SP140: variants seen among roughly 807,000 people sequenced by gnomAD.
SP140 encodes the protein SP140 nuclear body protein, also known as nuclear body protein SP140.
SP140 carries 81 observed loss-of-function variants against 125.0 expected under a neutral mutation model. The observed-to-expected ratio is 0.65, with a 90% CI of 0.54 to 0.78. SP140 has a LOEUF of 0.78. SP140 is among the 30% of genes least tolerant of loss of function. SP140 has a pLI of 0.00. For synonymous variants in SP140, 312 were observed against 354.0 expected (o/e 0.88, Z 1.33); for missense variants, 858 against 1,037.0 (o/e 0.83, Z 2.37).
At position 230,241,794 on chromosome 2, in the gene SP140, A is replaced by G. The variant is rs1318357346; in HGVS notation, c.490+307A>G. ...TGGATTCCATCTTCTAAAGGAACAT[A>G]AAAGTCCTACCCTCCGAGGTTGAGA... On this transcript the variant is annotated intron_variant, in intron 4 of 26. Coordinates refer to ENST00000392045, the MANE Select transcript of SP140 (RefSeq NM_007237.5). 2.0e-5 allele frequency among the ~76,000 whole-genome samples: 3 copies of G among 152,250 alleles called. No homozygotes were observed. In the East Asian group the frequency reaches 5.8e-4, roughly 29 times the overall value.
Position 230,265,137 on chromosome 2 carries a change from G to A in SP140, c.1241-4395G>A, listed in dbSNP as rs975325318. Among the ~76,000 whole-genome samples the A allele has an allele frequency of 1.0e-3, 157 of 152,188 alleles. 1 individual carries two copies. The highest frequency in any genetic ancestry group is 3.7e-3 in the African/African-American group (152 of 41,522). On this transcript the variant is annotated intron_variant, in intron 12 of 26. Coordinates refer to ENST00000392045, the MANE Select transcript of SP140 (RefSeq NM_007237.5). ...CTAAGACTCTCGTTGGACATGTCTT[G>A]CTGCAGCTGCTGTGGGGGATGGGGG...
chr2:230,290,694 G>T, intron 19 of SP140, 130 bp downstream of exon 19: 1 of 735,042 alleles, frequency 1.4e-6, no homozygotes, highest in Non-Finnish European at 2.2e-6. Context: ...AGGAGGAAGG[G>T]ATTTCTAAGA....
At chr2:230,201,014 G>T, upstream of SP140, 2 of 1,420,916 alleles carry the variant, frequency 1.4e-6, no homozygotes, top group Non-Finnish European at 2.0e-6. Context: ...ACACCATGGA[G>T]AATCTCCCAG....
intron 15 of SP140, among the ~76,000 whole-genome samples, chr2:230,274,264 T>G (rs2054379978): frequency 6.6e-6 from 1 of 152,182 alleles, no homozygotes; most frequent in Admixed American, 6.5e-5. Flanking sequence ...GATTTCCATG[T>G]CCTATCTCCT....
At chr2:230,294,374 C>G in intron 21 of SP140, 56 bp downstream of exon 21, 1 of 1,354,616 alleles carries the variant, frequency 7.4e-7, no homozygotes, top group Non-Finnish European at 1.1e-6. Flanking sequence ...TTAGCATGCA[C>G]AAAATCTTAT....
the SP140 span, among the ~76,000 whole-genome samples, chr2:230,186,445 C>T: frequency 5.3e-5 from 8 of 152,222 alleles, no homozygotes; most frequent in Non-Finnish European, 1.0e-4. Context: ...TTACACTCCA[C>T]TGCTGAATGA....
intron 22 of SP140, among the ~76,000 whole-genome samples, chr2:230,297,968 T>TAGG (rs1263498375): frequency 3.9e-5 from 6 of 152,332 alleles, no homozygotes; most frequent in African/African-American, 1.4e-4. Context: ...ATCCTGTCAT[T>TAGG]AGCCCTGTAA....
At chr2:230,190,005 G>A in the SP140 span, among the ~76,000 whole-genome samples, 3 of 152,086 alleles carry the variant, frequency 2.0e-5, no homozygotes, top group Admixed American at 1.3e-4. Context: ...ATACTGCTGC[G>A]ATAAACATAC....
At chr2:230,218,562 G>T (rs2045489279) in intron 3 of SP140, among the ~76,000 whole-genome samples, 1 of 152,130 alleles carries the variant, frequency 6.6e-6, no homozygotes, top group Admixed American at 6.5e-5. Context: ...GGTCTTGGAG[G>T]CTCCTTTTAG....
intron 12 of SP140, 116 bp from the exon 13 acceptor site, chr2:230,269,416 C>G: frequency 1.4e-6 from 1 of 706,794 alleles, no homozygotes; most frequent in Non-Finnish European, 2.6e-6. Flanking sequence ...ATATTTTTTT[C>G]CAGAGAACAG....
In SP140 at chr2:230,270,650, A is replaced by G. The variant is rs2053795176; in HGVS notation, c.1498+11A>G. 6.3e-7 allele frequency: 1 copy of G among 1,597,472 alleles called. No homozygotes were observed. Among genetic ancestry groups the G allele is most frequent in the Non-Finnish European group, 8.6e-7 (1 of 1,166,596 alleles). On this transcript the variant is annotated intron_variant, in intron 15 of 26. Transcript: ENST00000392045. ...CCAAGAGGAAAAGAAGTAAGAATAA[A>G]TAAGAATTTATTTGCTTTTGGTATT... is the stretch of plus-strand genomic sequence containing the variant.
rs199507633 is a variant in SP140, at chr2:230,211,470, C to G, written c.-322-2184C>G. The G allele has an allele frequency of 1.0e-5, 16 of 1,585,098 alleles. No individual in the cohort carries two copies. Among genetic ancestry groups the G allele is most frequent in the East Asian group, 2.2e-5 (1 of 44,768 alleles). ...TTTAGGTTGACCAAACCAAGATTAC[C>G]TGGCATAGAGCCCAAGGGAGAGTGG... On this transcript the variant is annotated intron_variant, in intron 1 of 4. Transcript: ENST00000456542. This position sits in a 1 kb window ranked among gnomAD's most constrained non-coding sequence, Gnocchi z 4.2.
chr2:230,221,898 C>T, upstream of SP140: 1 of 647,496 alleles, frequency 1.5e-6, no homozygotes, highest in Non-Finnish European at 2.7e-6. Context: ...AAAAAGACAG[C>T]TGCGAATGAG....
At chr2:230,287,690 A>G (rs1416429155) in intron 17 of SP140, among the ~76,000 whole-genome samples, 1 of 152,238 alleles carries the variant, frequency 6.6e-6, no homozygotes, top group Non-Finnish European at 1.5e-5. Context: ...TCCTAACATA[A>G]GAATAGGAAA....
intron 10 of SP140, among the ~76,000 whole-genome samples, chr2:230,252,036 G>A (rs1279671244): frequency 6.6e-6 from 1 of 152,034 alleles, no homozygotes; most frequent in Non-Finnish European, 1.5e-5. Context: ...GGGTTTTTAG[G>A]AATCTGAGAG....
chr2:230,235,466 A>T (rs1294902225), intron 1 of SP140, among the ~76,000 whole-genome samples: 1 of 152,236 alleles, frequency 6.6e-6, no homozygotes, highest in Non-Finnish European at 1.5e-5. Context: ...TTAATCAACG[A>T]TTTTAAACCA....
chr2:230,221,579 A>G (rs1175787335), upstream of SP140: 2 of 970,414 alleles, frequency 2.1e-6, no homozygotes, highest in East Asian at 5.3e-5. Flanking sequence ...GAAAAATTCA[A>G]TGCTAACAGC....
At chr2:230,308,364 C>A (rs1052410969) in intron 22 of SP140, among the ~76,000 whole-genome samples, 2 of 151,994 alleles carry the variant, frequency 1.3e-5, no homozygotes, top group Admixed American at 1.3e-4. Flanking sequence ...CCAAAAACCA[C>A]CTGTTCCCCC....
rs138604732 is a variant in SP140, at chr2:230,305,465, C to T, written c.2059-4459C>T. Reference sequence around the variant, plus strand: ...GAAGCTGGCTGCAGTGAGGTGCAGGCGCTGGCCGTGGGTCTTAGGGGGCAG... The same window carrying T: ...GAAGCTGGCTGCAGTGAGGTGCAGGTGCTGGCCGTGGGTCTTAGGGGGCAG... On this transcript the variant is annotated intron_variant, in intron 22 of 26. Transcript: ENST00000392045. 4.7e-3 allele frequency among the ~76,000 whole-genome samples: 720 copies of T among 152,338 alleles called. 6 individuals are homozygous for T. The highest frequency in any genetic ancestry group is 0.016 in the African/African-American group (671 of 41,574).
Sources: allele counts gnomAD v4.1 joint callset (sites outside exome capture counted in the v4.1 genomes callset), GRCh38; gene constraint gnomAD v4.1.1; non-coding constraint Gnocchi (gnomAD v3.1); transcripts MANE v1.5; gene names NCBI Gene and HGNC (gene_info 2026-07-23, HGNC 2026-07-21).